SORCS2: variants seen among roughly 807,000 people sequenced by gnomAD.
The protein encoded by SORCS2 is sortilin related VPS10 domain containing receptor 2.
Under a neutral mutation model 141.6 loss-of-function variants are expected in SORCS2, and 100 were observed. The observed-to-expected ratio is 0.71, with a 90% CI of 0.60 to 0.83. The LOEUF (loss-of-function observed/expected upper bound fraction) is 0.83, where lower values mean the gene tolerates loss of function less well. Among genes scored for constraint, SORCS2 ranks in the 40% least tolerant of loss-of-function variants. The pLI is 0.00. For synonymous variants in SORCS2, 789 were observed against 676.9 expected, an observed-to-expected ratio of 1.17 and a Z score of -2.57; for missense variants, 1,646 against 1,560.2, an observed-to-expected ratio of 1.05 and a Z score of -0.93.
chr4:7,211,830 G>A (rs1728077027), intron 1 of SORCS2, among the ~76,000 whole-genome samples: 1 of 152,182 alleles, frequency 6.6e-6, no homozygotes, highest in South Asian at 2.1e-4. Flanking sequence ...GGAGAGGAGG[G>A]GTGGGAGCGG....
intron 3 of SORCS2, among the ~76,000 whole-genome samples, chr4:7,607,350 C>T (rs1411820554): frequency 1.3e-5 from 2 of 152,176 alleles, no homozygotes; most frequent in Admixed American, 1.3e-4. Flanking sequence ...CGTGGATCCT[C>T]CTGGGGAGGT....
Position 7,722,335 on chromosome 4 carries a change from C to T in SORCS2, c.2425-1362C>T, listed in dbSNP as rs150841944. On this transcript the variant is annotated intron_variant, in intron 18 of 26. Coordinates refer to ENST00000507866, the MANE Select transcript of SORCS2 (RefSeq NM_020777.3). ...TTTAAACAGAAAGAACCACAACCAG[C>T]GAGCAGCCTCCTGGGTCCTGGGCTT... 5.8e-3 allele frequency among the ~76,000 whole-genome samples: 886 copies of T among 152,322 alleles called. 9 individuals are homozygous for T. Among genetic ancestry groups the T allele is most frequent in the African/African-American group, 0.02 (840 of 41,570 alleles).
intron 1 of SORCS2, among the ~76,000 whole-genome samples, chr4:7,211,505 T>A (rs962310470): frequency 6.6e-6 from 1 of 152,186 alleles, no homozygotes; most frequent in Non-Finnish European, 1.5e-5. Flanking sequence ...TCCTGGTAGC[T>A]GGGATTACAA....
intron 1 of SORCS2, among the ~76,000 whole-genome samples, chr4:7,279,516 C>T (rs2108856519): frequency 6.6e-6 from 1 of 152,312 alleles, no homozygotes; most frequent in Admixed American, 6.5e-5. Flanking sequence ...TGTAACGGCT[C>T]AAAATGCAGT....
chr4:7,713,814 C>T (rs1481572503), intron 15 of SORCS2, among the ~76,000 whole-genome samples: 1 of 152,318 alleles, frequency 6.6e-6, no homozygotes, highest in South Asian at 2.1e-4. Flanking sequence ...ACTGGCCCCA[C>T]CCCTGTCACT....
intron 1 of SORCS2, among the ~76,000 whole-genome samples, chr4:7,369,421 C>T (rs1358352047): frequency 1.3e-5 from 2 of 152,162 alleles, no homozygotes; most frequent in African/African-American, 2.4e-5. Flanking sequence ...AAGTAAGTGC[C>T]CACTATGAGC....
At chr4:7,724,480 G>A (rs200350140) in intron 19 of SORCS2, among the ~76,000 whole-genome samples, 4,413 of 71,032 alleles carry the variant, frequency 0.062, 222 homozygotes, top group African/African-American at 0.18. Flanking sequence ...GGTGATGGTG[G>A]TGATGGTGGT....
Position 7,723,816 on chromosome 4 carries a change from C to A in SORCS2, c.2544C>A (p.Tyr848Ter). 1 of 1,613,560 alleles carries A rather than the reference C, an allele frequency of 6.2e-7. No individual in the cohort carries two copies. The highest frequency in any genetic ancestry group is 8.5e-7 in the Non-Finnish European group (1 of 1,179,888). ...IRHRYESPGI[Y>*]RVSVRAENTA... ...ACCGCTACGAGAGCCCCGGCATCTA[C>A]CGCGTGTCCGTCAGGGCAGAGAACA... The change falls in exon 19 of 27, where the codon TAC becomes TAA. Residue 848 changes from tyrosine (Y) to a stop codon, truncating the protein, a stop_gained. Transcript: ENST00000507866. LOFTEE classifies it high-confidence loss of function.
intron 1 of SORCS2, among the ~76,000 whole-genome samples, chr4:7,367,331 C>A (rs1721958446): frequency 6.6e-6 from 1 of 152,240 alleles, no homozygotes; most frequent in Non-Finnish European, 1.5e-5. Flanking sequence ...TGGGGAAGCA[C>A]AGGCCATTTG....
chr4:7,638,391 G>A lies in SORCS2; in HGVS notation c.712G>A (p.Gly238Ser). 1 of 1,579,722 alleles carries A rather than the reference G, an allele frequency of 6.3e-7. No individual in the cohort carries two copies. Among genetic ancestry groups the A allele is most frequent in the Non-Finnish European group, 8.6e-7 (1 of 1,166,456 alleles). The change falls in exon 4 of 27, where the codon GGC becomes AGC. Residue 238 changes from glycine (G) to serine (S), a missense_variant. Transcript: ENST00000507866. Reference sequence around the variant, plus strand: ...GAGCCTATTCCTCAGCGCAGACGAAGGCGCCACCTTTCAGAAGCAGCCCAT... The same window carrying A: ...GAGCCTATTCCTCAGCGCAGACGAAAGCGCCACCTTTCAGAAGCAGCCCAT... ...DQSLFLSADEGATFQKQPIPF... is the reference protein window; with the variant it reads ...DQSLFLSADESATFQKQPIPF...
chr4:7,670,861 T>C (rs887557211), intron 8 of SORCS2, among the ~76,000 whole-genome samples: 3 of 152,118 alleles, frequency 2.0e-5, no homozygotes, highest in Non-Finnish European at 4.4e-5. Context: ...ACACTGAGGA[T>C]CTGTGCTCTG....
intron 2 of SORCS2, among the ~76,000 whole-genome samples, chr4:7,500,293 G>A (rs964083301): frequency 2.9e-5 from 4 of 138,070 alleles, no homozygotes; most frequent in East Asian, 2.4e-4. Flanking sequence ...GCAGGATAAG[G>A]TGGATCAATA....
intron 21 of SORCS2, among the ~76,000 whole-genome samples, chr4:7,727,526 A>G (rs1291049238): frequency 6.6e-6 from 1 of 151,962 alleles, no homozygotes; most frequent in African/African-American, 2.4e-5. Flanking sequence ...TGTGGACAGC[A>G]GCCATCAGTT....
At chr4:7,712,954 C>T (rs1330331123) in intron 15 of SORCS2, 101 bp downstream of exon 15, 1 of 1,481,632 alleles carries the variant, frequency 6.7e-7, no homozygotes, top group Non-Finnish European at 9.0e-7. Context: ...CGCAGGGCAC[C>T]TCCCCGCCTC....
intron 3 of SORCS2, among the ~76,000 whole-genome samples, chr4:7,602,405 G>A (rs1432650512): frequency 2.0e-5 from 3 of 151,646 alleles, no homozygotes; most frequent in South Asian, 2.1e-4. Context: ...CAGACGGGGC[G>A]GCCGGGCAGA....
chr4:7,667,305 C>G, intron 8 of SORCS2, 92 bp downstream of exon 8: 1 of 1,185,750 alleles, frequency 8.4e-7, no homozygotes, highest in South Asian at 1.3e-5. Flanking sequence ...AGGTGCTTGG[C>G]GGTCCCAGGT....
chr4:7,425,438 G>A lies in SORCS2; in HGVS notation c.548+29083G>A, dbSNP rs1425532943. Among the ~76,000 whole-genome samples the A allele has an allele frequency of 5.9e-5, 9 of 152,352 alleles. No homozygotes were observed. The South Asian group carries it at 1.9e-3, about 32-fold the overall frequency. ...TTTCCCCCGTGTCCTGGGAATGGCA[G>A]TCTGAGAAACTGGTTTGGGAGTGGC... is the stretch of plus-strand genomic sequence containing the variant. On this transcript the variant is annotated intron_variant, in intron 2 of 26. Transcript: ENST00000507866.
intron 1 of SORCS2, among the ~76,000 whole-genome samples, chr4:7,231,707 G>A (rs897115685): frequency 6.6e-6 from 1 of 152,250 alleles, no homozygotes; most frequent in Non-Finnish European, 1.5e-5. Flanking sequence ...GGGACACAGA[G>A]GAGAGGGTCG....
intron 3 of SORCS2, among the ~76,000 whole-genome samples, chr4:7,537,010 G>A (rs551770626): frequency 6.6e-6 from 1 of 152,284 alleles, no homozygotes; most frequent in South Asian, 2.1e-4. Context: ...CCAGCCCCTA[G>A]AGTACCCCTT....
Sources: allele counts gnomAD v4.1 joint callset (sites outside exome capture counted in the v4.1 genomes callset), GRCh38; gene constraint gnomAD v4.1.1; transcripts MANE v1.5; gene names NCBI Gene and HGNC (gene_info 2026-07-23, HGNC 2026-07-21).